Variants in ZHX1 observed in about 807,000 individuals in gnomAD.
ZHX1 encodes the protein zinc fingers and homeoboxes 1.
Under a neutral mutation model 61.8 loss-of-function variants are expected in ZHX1, and 20 were observed. That is an observed-to-expected ratio of 0.32 (90% CI 0.23 to 0.47). The LOEUF (loss-of-function observed/expected upper bound fraction) is 0.47, where lower values mean the gene tolerates loss of function less well. ZHX1 is among the 20% of genes least tolerant of loss of function. ZHX1 has a pLI of 1.00. For missense variants in ZHX1, 800 were observed against 1,034.8 expected (o/e 0.77, Z 3.11); for synonymous variants, 318 against 352.6 (o/e 0.90, Z 1.10).
intron 3 of ZHX1, among the ~76,000 whole-genome samples, chr8:123,251,644 T>C (rs764399981): frequency 6.6e-6 from 1 of 152,162 alleles, no homozygotes; most frequent in Non-Finnish European, 1.5e-5. Context: ...TGAGTGCACA[T>C]TCTTGTGTTT....
At chr8:123,260,957 G>A (rs778496891) in intron 2 of ZHX1, among the ~76,000 whole-genome samples, 3 of 152,160 alleles carry the variant, frequency 2.0e-5, no homozygotes, top group Non-Finnish European at 4.4e-5. Flanking sequence ...GGGAGGTGGA[G>A]GATGCAGTGA....
intron 1 of ZHX1, among the ~76,000 whole-genome samples, chr8:123,271,752 C>T (rs983686798): frequency 1.1e-4 from 17 of 151,886 alleles, no homozygotes; most frequent in Admixed American, 3.3e-4. Flanking sequence ...ATTAATTTCG[C>T]TAATAACTGT....
At chr8:123,270,296 TAAG>T (rs1826602468) in intron 1 of ZHX1, among the ~76,000 whole-genome samples, 1 of 152,074 alleles carries the variant, frequency 6.6e-6, no homozygotes, top group Non-Finnish European at 1.5e-5. Flanking sequence ...AAAAGACTTT[TAAG>T]AAGGGGAAAA....
chr8:123,255,614 G>A lies in ZHX1; in HGVS notation c.333C>T (p.Thr111=), dbSNP rs1286159528. 1.9e-6 allele frequency: 3 copies of A among 1,613,204 alleles called. No homozygotes were observed. Among genetic ancestry groups the A allele is most frequent in the Non-Finnish European group, 2.5e-6 (3 of 1,179,990 alleles). Residue 111 remains threonine, a synonymous_variant, in exon 3 of 4, where the codon ACC becomes ACT. Coordinates refer to ENST00000395571, the MANE Select transcript of ZHX1 (RefSeq NM_007222.5). The part of the protein sequence containing the change: ...SYVCVECNFL[T]KRYDALSEHN... The stretch of plus-strand genomic sequence containing the variant: ...GCTCAGAAAGTGCATCATACCTTTT[G>A]GTAAGAAAATTGCATTCGACACAAA...
At position 123,254,173 on chromosome 8, in the gene ZHX1, C is replaced by T. The variant is rs1241507829; in HGVS notation, c.1774G>A (p.Val592Ile). ...VLQASFLNSS[V>I]LTDEELNRLR... is the part of the protein sequence containing the mutation. The stretch of plus-strand genomic sequence containing the variant: ...CTATTTAATTCTTCATCTGTAAGTA[C>T]AGAGCTGTTGAGAAAACTTGCCTGA... The change falls in exon 3 of 4, where the codon GTA becomes ATA. Residue 592 changes from valine to isoleucine, a missense_variant. By Grantham distance (29) the Val-to-Ile change is conservative. Transcript: ENST00000395571. The surrounding 1 kb of genome is among the most constrained non-coding windows in gnomAD (Gnocchi z 4.1). 6.2e-7 allele frequency: 1 copy of T among 1,614,084 alleles called. No individual in the cohort carries two copies. The highest frequency in any genetic ancestry group is 1.1e-5 in the South Asian group (1 of 91,082).
intron 2 of ZHX1, among the ~76,000 whole-genome samples, chr8:123,263,107 A>G (rs1826335369): frequency 6.7e-6 from 1 of 149,930 alleles, no homozygotes; most frequent in Non-Finnish European, 1.5e-5. Context: ...AAAAAAAAAA[A>G]GGATTTTCCA....
intron 3 of ZHX1, 160 bp downstream of exon 3, chr8:123,253,162 T>A (rs1364192851): frequency 1.9e-6 from 1 of 534,808 alleles, no homozygotes; most frequent in Non-Finnish European, 3.2e-6. Flanking sequence ...ATGATAATCA[T>A]TTATCTCTTA....
In ZHX1 at chr8:123,254,767, G is replaced by C. The variant is rs2131191401; in HGVS notation, c.1180C>G (p.Pro394Ala). The C allele has an allele frequency of 6.2e-7, 1 of 1,614,180 alleles. No homozygotes were observed. The highest frequency in any genetic ancestry group is 8.5e-7 in the Non-Finnish European group (1 of 1,180,040). ...GCCACTTGAGTAAGGACCAGACCAG[G>C]CTGACCAACTATTTGGCATGTCTGT... is the stretch of plus-strand genomic sequence containing the variant. ...ILQTCQIVGQ[P>A]GLVLTQVAGT... The change falls in exon 3 of 4, where the codon CCT becomes GCT. Residue 394 changes from proline to alanine, a missense_variant. Pro to Ala is a conservative substitution (Grantham distance 27). Coordinates refer to ENST00000395571, the MANE Select transcript of ZHX1 (RefSeq NM_007222.5). The surrounding 1 kb of genome is among the most constrained non-coding windows in gnomAD (Gnocchi z 4.1).
rs1300982498 is a variant in ZHX1 at position 123,250,294 on chromosome 8, T to C, written c.*30A>G. On this transcript the variant is annotated 3_prime_UTR_variant, in exon 4 of 4. Coordinates refer to ENST00000395571, the MANE Select transcript of ZHX1 (RefSeq NM_007222.5). ...AAATCAGACATCTTGAGTTGAAGAATTGATTCTCCTTCAACGTTTTAGGCA... is the reference window on the plus strand; with the variant it reads ...AAATCAGACATCTTGAGTTGAAGAACTGATTCTCCTTCAACGTTTTAGGCA... The C allele has an allele frequency of 1.6e-5, 7 of 437,240 alleles. No individual in the cohort carries two copies. The highest frequency in any genetic ancestry group is 2.5e-5 in the Admixed American group (1 of 39,600). 27.1% of individuals were successfully genotyped at this position (437,240 alleles called of 1,614,324 possible).
chr8:123,269,386 T>C (rs1483461753), intron 1 of ZHX1, among the ~76,000 whole-genome samples: 2 of 152,216 alleles, frequency 1.3e-5, no homozygotes, highest in Admixed American at 1.3e-4. Context: ...AGTTGCCTGA[T>C]GTTATTTAAG....
At chr8:123,270,236 A>C (rs1826599294) in intron 1 of ZHX1, among the ~76,000 whole-genome samples, 1 of 152,200 alleles carries the variant, frequency 6.6e-6, no homozygotes, top group African/African-American at 2.4e-5. Flanking sequence ...GTGCTTAGAA[A>C]TATCAGAACC....
At chr8:123,259,169 C>T (rs992473323) in intron 2 of ZHX1, among the ~76,000 whole-genome samples, 2 of 152,136 alleles carry the variant, frequency 1.3e-5, no homozygotes, top group African/African-American at 4.8e-5. Flanking sequence ...GTCCTTTGTT[C>T]CCTAATTTCC....
intron 1 of ZHX1, among the ~76,000 whole-genome samples, chr8:123,268,147 G>A (rs1424151903): frequency 1.3e-5 from 2 of 152,130 alleles, no homozygotes; most frequent in East Asian, 1.9e-4. Context: ...AATCAGAATG[G>A]AGAGGATTAT....
intron 3 of ZHX1, chr8:123,253,111 A>G (rs1365312373): frequency 2.4e-6 from 1 of 424,660 alleles, no homozygotes; most frequent in Non-Finnish European, 4.1e-6. Flanking sequence ...AAAAATAATA[A>G]TTAAGACATT....
rs1214946078 is a variant in ZHX1 at position 123,255,706 on chromosome 8, C to G, written c.241G>C (p.Asp81His). 1 of 1,613,656 alleles carries G rather than the reference C, an allele frequency of 6.2e-7. No individual in the cohort carries two copies. ...ECKYCTFQTP[D>H]LNMFTFHVDS... ...ACATGAAAAGTAAACATATTTAGATCTGGAGTTTGAAAAGTACAATATTTA... is the reference window on the plus strand; with the variant it reads ...ACATGAAAAGTAAACATATTTAGATGTGGAGTTTGAAAAGTACAATATTTA... The change falls in exon 3 of 4, where the codon GAT becomes CAT. Residue 81 changes from aspartate to histidine, a missense_variant. By Grantham distance (81) the Asp-to-His change is moderately conservative. Coordinates refer to ENST00000395571, the MANE Select transcript of ZHX1 (RefSeq NM_007222.5).
chr8:123,270,274 AAAC>A (rs1194921227), intron 1 of ZHX1, among the ~76,000 whole-genome samples: 2 of 152,098 alleles, frequency 1.3e-5, no homozygotes, highest in African/African-American at 4.8e-5. Flanking sequence ...TCTCACTAAA[AAAC>A]AAAAAAGGAA....
intron 3 of ZHX1, chr8:123,252,979 A>G (rs1563808012): frequency 5.5e-6 from 1 of 180,466 alleles, no homozygotes; most frequent in Non-Finnish European, 1.1e-5. Context: ...CATTGCAATA[A>G]AATACATTTT....
Position 123,254,896 on chromosome 8 carries a change from C to T in ZHX1, c.1051G>A (p.Ala351Thr). The T allele has an allele frequency of 6.2e-7, 1 of 1,614,180 alleles. No homozygotes were observed. The highest frequency in any genetic ancestry group is 1.3e-5 in the African/African-American group (1 of 75,028). ...GTTCCATTGAATTGTTTCCTTCTTG[C>T]CTCCTCTACTTCCTCGGGAGTCCAA... ...VSWTPEEVEE[A>T]RRKQFNGTVH... Residue 351 changes from alanine (A) to threonine (T), a missense_variant, in exon 3 of 4, where the codon GCA becomes ACA. Ala to Thr is a moderately conservative substitution (Grantham distance 58, BLOSUM62 0). Coordinates refer to ENST00000395571, the MANE Select transcript of ZHX1 (RefSeq NM_007222.5). This position sits in a 1 kb window ranked among gnomAD's most constrained non-coding sequence, Gnocchi z 4.1.
At chr8:123,261,583 A>C (rs755622270) in intron 2 of ZHX1, among the ~76,000 whole-genome samples, 5 of 152,218 alleles carry the variant, frequency 3.3e-5, no homozygotes, top group Non-Finnish European at 5.9e-5. Flanking sequence ...ACTTAGAATA[A>C]CTATGATCAG....
Sources: allele counts gnomAD v4.1 joint callset (sites outside exome capture counted in the v4.1 genomes callset), GRCh38; gene constraint gnomAD v4.1.1; non-coding constraint Gnocchi (gnomAD v3.1); transcripts MANE v1.5; gene names NCBI Gene and HGNC (gene_info 2026-07-23, HGNC 2026-07-21).